MTSS1: variants seen among roughly 807,000 people sequenced by gnomAD.
The protein encoded by MTSS1 is MTSS I-BAR domain containing 1, also known as protein MTSS 1.
MTSS1 carries 18 observed loss-of-function variants against 79.0 expected under a neutral mutation model. The ratio of observed to expected loss-of-function variants is 0.23; its 90% CI spans 0.16 to 0.34. MTSS1 has a LOEUF of 0.34. Among genes scored for constraint, MTSS1 ranks in the 10% least tolerant of loss-of-function variants. The pLI is 1.00. For missense variants in MTSS1, 815 were observed against 986.2 expected (o/e 0.83, Z 2.33); for synonymous variants, 341 against 368.6 (o/e 0.93, Z 0.86).
chr8:124,713,252 C>T (rs1232478496), intron 1 of MTSS1, among the ~76,000 whole-genome samples: 4 of 152,226 alleles, frequency 2.6e-5, no homozygotes, highest in Non-Finnish European at 5.9e-5. Context: ...ATGGCCACCC[C>T]ACCACAACGG....
intron 10 of MTSS1, among the ~76,000 whole-genome samples, chr8:124,561,823 G>A (rs938159684): frequency 6.6e-6 from 1 of 152,082 alleles, no homozygotes; most frequent in Non-Finnish European, 1.5e-5. Context: ...AGCACCCCAG[G>A]TGGGACACGC....
In MTSS1 at chr8:124,568,555, C is replaced by T. The variant is rs1827026227; in HGVS notation, c.461-19G>A. On this transcript the variant is annotated intron_variant, in intron 6 of 13. Coordinates refer to ENST00000518547, the MANE Select transcript of MTSS1 (RefSeq NM_014751.6). ...CCTCTCCCTGCAAAAAACAGAGACC[C>T]AAGCACGGCTTGCTGAAATACCAGC... 6.2e-7 allele frequency: 1 copy of T among 1,614,146 alleles called. No homozygotes were observed. Among genetic ancestry groups the T allele is most frequent in the Non-Finnish European group, 8.5e-7 (1 of 1,180,014 alleles).
intron 10 of MTSS1, 174 bp from the exon 11 acceptor site, chr8:124,558,049 G>A (rs1824398539): frequency 1.7e-6 from 1 of 576,766 alleles, no homozygotes; most frequent in Non-Finnish European, 3.0e-6. Flanking sequence ...AGAGAAAAGA[G>A]CCGGGGTGCA....
At chr8:124,662,420 C>A (rs911586075) in intron 3 of MTSS1, among the ~76,000 whole-genome samples, 1 of 152,198 alleles carries the variant, frequency 6.6e-6, no homozygotes, top group African/African-American at 2.4e-5. Flanking sequence ...GTATGCCATA[C>A]ACAGCACAGG....
At position 124,571,449 on chromosome 8, in the gene MTSS1, T is replaced by C. The variant is rs554327189; in HGVS notation, c.461-2913A>G. ...ACAGCATGGCCAATTGTGGGCCTTGTTGGGTCACATGACTCAGGGCTGGTC... is the reference window on the plus strand; with the variant it reads ...ACAGCATGGCCAATTGTGGGCCTTGCTGGGTCACATGACTCAGGGCTGGTC... On this transcript the variant is annotated intron_variant, in intron 6 of 13. Transcript: ENST00000518547. Among the ~76,000 whole-genome samples the C allele has an allele frequency of 7.9e-5, 12 of 152,302 alleles. No homozygotes were observed. In the South Asian group the frequency reaches 2.3e-3, roughly 29 times the overall value.
chr8:124,681,205 T>TAAA (rs765690095), intron 3 of MTSS1, among the ~76,000 whole-genome samples: 1,829 of 126,072 alleles, frequency 0.015, 44 homozygotes, highest in African/African-American at 0.05. Flanking sequence ...CTGTGACATT[T>TAAA]AAAAAAAAAA....
Position 124,693,708 on chromosome 8 carries a change from C to T in MTSS1, c.208+5818G>A, listed in dbSNP as rs998583143. On this transcript the variant is annotated intron_variant, in intron 3 of 13. Transcript: ENST00000518547. ...TGAGAGGGGACCTCAACCCAAATGC[C>T]CATCTGTAATTTTCCCTTTTCTCTT... Among the ~76,000 whole-genome samples, 3 of 152,292 alleles carry T rather than the reference C, an allele frequency of 2.0e-5. No homozygotes were observed. In the South Asian group the frequency reaches 6.2e-4, roughly 32 times the overall value.
intron 3 of MTSS1, among the ~76,000 whole-genome samples, chr8:124,635,577 T>C (rs561015521): frequency 6.6e-6 from 1 of 152,332 alleles, no homozygotes; most frequent in East Asian, 1.9e-4. Flanking sequence ...AAGGTCCTTA[T>C]CACTCTTGGT....
chr8:124,584,251 A>G (rs933891318), intron 6 of MTSS1, among the ~76,000 whole-genome samples: 1 of 152,234 alleles, frequency 6.6e-6, no homozygotes, highest in African/African-American at 2.4e-5. Flanking sequence ...GGTTGTCTCA[A>G]ATTAATGGTA....
At chr8:124,717,748 T>C (rs758914907) in intron 1 of MTSS1, among the ~76,000 whole-genome samples, 14 of 152,132 alleles carry the variant, frequency 9.2e-5, no homozygotes, top group Non-Finnish European at 1.9e-4. Flanking sequence ...ACAGTGCTTT[T>C]TCCCCATTGC....
chr8:124,706,950 A>G (rs1315055114), intron 1 of MTSS1, among the ~76,000 whole-genome samples: 1 of 152,196 alleles, frequency 6.6e-6, no homozygotes, highest in East Asian at 1.9e-4. Context: ...CAGGATGGCC[A>G]CTGGAGATCT....
intron 3 of MTSS1, among the ~76,000 whole-genome samples, chr8:124,649,809 G>A (rs964455255): frequency 2.0e-5 from 3 of 152,082 alleles, no homozygotes; most frequent in African/African-American, 4.8e-5. Flanking sequence ...AGGACTTAAT[G>A]TTCTTGTGCT....
intron 6 of MTSS1, among the ~76,000 whole-genome samples, chr8:124,584,694 T>G (rs1184777913): frequency 6.6e-6 from 1 of 152,150 alleles, no homozygotes; most frequent in Non-Finnish European, 1.5e-5. Flanking sequence ...AATAAAGGGT[T>G]TTGAAGATTA....
chr8:124,714,712 C>T (rs527576472), intron 1 of MTSS1, among the ~76,000 whole-genome samples: 2 of 152,272 alleles, frequency 1.3e-5, no homozygotes, highest in South Asian at 2.1e-4. Flanking sequence ...ATCCACCTAC[C>T]TCAGCCTCCT....
rs545993151 is a variant in MTSS1, at chr8:124,711,533, G to C, written c.73-7342C>G. ...CCCAGCCCAGCCCCAGGGCTGCAAA[G>C]AGTGGCTTAGACAGCAGGTTGGGTC... On this transcript the variant is annotated intron_variant, in intron 1 of 13. Coordinates refer to ENST00000518547, the MANE Select transcript of MTSS1 (RefSeq NM_014751.6). Among the ~76,000 whole-genome samples the C allele has an allele frequency of 1.1e-4, 17 of 152,308 alleles. No individual in the cohort carries two copies. In the South Asian group the frequency reaches 3.5e-3, roughly 32 times the overall value.
intron 3 of MTSS1, among the ~76,000 whole-genome samples, chr8:124,612,072 A>G (rs1358247054): frequency 6.6e-6 from 1 of 151,558 alleles, no homozygotes; most frequent in Non-Finnish European, 1.5e-5. Flanking sequence ...ATGGTACTTA[A>G]TTAGCAAACT....
intron 2 of MTSS1, among the ~76,000 whole-genome samples, chr8:124,702,339 G>A (rs1351408471): frequency 6.6e-6 from 1 of 152,180 alleles, no homozygotes; most frequent in African/African-American, 2.4e-5. Context: ...ATAAGGTGAG[G>A]CTGGTGAAGG....
In MTSS1 at chr8:124,552,902, T is replaced by G; in HGVS notation, c.*90A>C. The G allele has an allele frequency of 7.4e-7, 1 of 1,358,680 alleles. No homozygotes were observed. The highest frequency in any genetic ancestry group is 1.0e-6 in the Non-Finnish European group (1 of 994,360). The allele number at this position is 1,358,680 out of a possible 1,614,324, so 84.2% of individuals were successfully genotyped here. Reference sequence around the variant, plus strand: ...TATATTCCGAGTTGCCTACAAAATCTTTTGTTTTATTATAGAGTGGAATGG... The same window carrying G: ...TATATTCCGAGTTGCCTACAAAATCGTTTGTTTTATTATAGAGTGGAATGG... On this transcript the variant is annotated 3_prime_UTR_variant, in exon 14 of 14. Transcript: ENST00000518547.
At chr8:124,688,049 GCA>G (rs1417387234) in intron 3 of MTSS1, among the ~76,000 whole-genome samples, 1 of 152,126 alleles carries the variant, frequency 6.6e-6, no homozygotes, top group East Asian at 1.9e-4. Flanking sequence ...CTGGGCCCTA[GCA>G]CACACAGCAG....
Sources: gnomAD v4.1 joint callset for allele counts (sites outside exome capture counted in the v4.1 genomes callset) on GRCh38, gnomAD v4.1.1 for gene constraint, MANE v1.5 for transcripts, NCBI Gene and HGNC (gene_info 2026-07-23, HGNC 2026-07-21) for gene names.